Variants in FGF14 observed in about 807,000 individuals in gnomAD.
FGF14 encodes the protein fibroblast growth factor 14.
FGF14 carries 5 observed loss-of-function variants against 25.5 expected under a neutral mutation model. The observed-to-expected ratio is 0.20, with a 90% CI of 0.10 to 0.41. The LOEUF is 0.41. Ranked by LOEUF, FGF14 falls within the 10% of genes least tolerant of loss-of-function variation. The pLI is 1.00. For missense variants in FGF14, 222 were observed against 320.1 expected (o/e 0.69, Z 2.34); for synonymous variants, 138 against 118.3 (o/e 1.17, Z -1.08).
chr13:102,212,291 A>G (rs1305624006), intron 1 of FGF14, among the ~76,000 whole-genome samples: 1 of 152,186 alleles, frequency 6.6e-6, no homozygotes, highest in Admixed American at 6.5e-5. Context: ...CCAGGCTATA[A>G]GCAAATGGAA....
chr13:102,193,009 T>C (rs2049189833), intron 1 of FGF14, among the ~76,000 whole-genome samples: 1 of 152,192 alleles, frequency 6.6e-6, no homozygotes, highest in Non-Finnish European at 1.5e-5. Context: ...CCATCCCCTA[T>C]CCATTGCCCA....
chr13:102,056,962 T>A (rs1487870350), intron 1 of FGF14, among the ~76,000 whole-genome samples: 2 of 151,578 alleles, frequency 1.3e-5, no homozygotes, highest in African/African-American at 2.4e-5. Context: ...CTTTTAAAAT[T>A]TGCTTTGACA....
intron 1 of FGF14, among the ~76,000 whole-genome samples, chr13:102,260,185 T>C (rs1393788941): frequency 6.6e-6 from 1 of 152,182 alleles, no homozygotes; most frequent in African/African-American, 2.4e-5. Context: ...AACCTTTCCT[T>C]GGGTCACAGT....
intron 1 of FGF14, among the ~76,000 whole-genome samples, chr13:102,375,071 G>C (rs534111021): frequency 6.6e-6 from 1 of 152,076 alleles, no homozygotes; most frequent in East Asian, 1.9e-4. Flanking sequence ...AACACAACTA[G>C]TTAAAGGGAG....
At chr13:101,765,952 C>T (rs1423126722) in intron 3 of FGF14, among the ~76,000 whole-genome samples, 2 of 152,070 alleles carry the variant, frequency 1.3e-5, no homozygotes, top group Non-Finnish European at 2.9e-5. Context: ...TGGTCTCAAA[C>T]TCCTGACCTC....
chr13:101,737,778 A>G (rs993171904), intron 3 of FGF14, among the ~76,000 whole-genome samples: 1 of 152,160 alleles, frequency 6.6e-6, no homozygotes, highest in African/African-American at 2.4e-5. Context: ...TGCATATACA[A>G]GATTTTTCTA....
intron 1 of FGF14, among the ~76,000 whole-genome samples, chr13:102,365,878 T>G (rs953182121): frequency 1.3e-5 from 2 of 152,220 alleles, no homozygotes; most frequent in Admixed American, 1.3e-4. Context: ...ATAGTCACTA[T>G]TTCCCTGACT....
chr13:102,135,017 C>CCACACACACA (rs71125050), intron 1 of FGF14, among the ~76,000 whole-genome samples: 40 of 142,548 alleles, frequency 2.8e-4, no homozygotes, highest in Admixed American at 6.3e-4. Flanking sequence ...GACCCCGTGT[C>CCACACACACA]CACACACACA....
chr13:102,098,633 A>C lies in FGF14; in HGVS notation c.209-223337T>G, dbSNP rs1183091052. 2.0e-5 allele frequency among the ~76,000 whole-genome samples: 3 copies of C among 152,318 alleles called. No homozygotes were observed. The East Asian group carries it at 5.8e-4, about 29-fold the overall frequency. ...TGTTCAGAAAGCAGGAGAGGTTAAA[A>C]TGTTATTAGAAATGGCTGAGACTAG... On this transcript the variant is annotated intron_variant, in intron 1 of 4. Transcript: ENST00000376131.
intron 1 of FGF14, among the ~76,000 whole-genome samples, chr13:102,202,572 G>T (rs543235837): frequency 6.6e-6 from 1 of 152,292 alleles, no homozygotes; most frequent in East Asian, 1.9e-4. Context: ...TGCATTGGGG[G>T]AAAAAGTCCT....
At chr13:102,193,835 AT>A (rs2049226344) in intron 1 of FGF14, among the ~76,000 whole-genome samples, 2 of 152,350 alleles carry the variant, frequency 1.3e-5, no homozygotes, top group African/African-American at 4.8e-5. Flanking sequence ...TTTCAAAAAA[AT>A]CATGATACAT....
intron 1 of FGF14, among the ~76,000 whole-genome samples, chr13:102,133,811 T>G (rs1283846488): frequency 2.0e-5 from 3 of 152,208 alleles, no homozygotes; most frequent in African/African-American, 7.2e-5. Flanking sequence ...TTGCTGCATG[T>G]GGAGGTTAAT....
At chr13:102,083,408 C>G (rs897490596) in intron 1 of FGF14, among the ~76,000 whole-genome samples, 9 of 150,446 alleles carry the variant, frequency 6.0e-5, no homozygotes, top group Admixed American at 5.3e-4. Context: ...ACCATAGTAT[C>G]TCATTAAGTG....
intron 1 of FGF14, among the ~76,000 whole-genome samples, chr13:101,942,450 T>A (rs561878938): frequency 6.6e-6 from 1 of 152,210 alleles, no homozygotes; most frequent in Non-Finnish European, 1.5e-5. Context: ...AGTTAAAAAT[T>A]TAGTACTCAT....
chr13:101,969,466 A>C (rs932077826), intron 1 of FGF14, among the ~76,000 whole-genome samples: 3 of 152,182 alleles, frequency 2.0e-5, no homozygotes, highest in African/African-American at 7.2e-5. Context: ...GGTAAAGCCA[A>C]AATACTCCTG....
At chr13:101,933,999 T>C (rs1165262080) in intron 1 of FGF14, among the ~76,000 whole-genome samples, 1 of 152,210 alleles carries the variant, frequency 6.6e-6, no homozygotes, top group Non-Finnish European at 1.5e-5. Context: ...TTTTGGATTG[T>C]CCTTGTTGGC....
intron 1 of FGF14, among the ~76,000 whole-genome samples, chr13:102,273,830 T>C (rs940555440): frequency 6.6e-5 from 10 of 151,644 alleles, no homozygotes; most frequent in Middle Eastern, 6.8e-3. Flanking sequence ...TCTCAACTAC[T>C]TAAAAGGCTG....
At position 101,715,751 on chromosome 13, in the gene FGF14, A is replaced by T. The variant is rs1252372302; in HGVS notation, c.*7080T>A. 3 of 705,982 alleles carry T rather than the reference A, an allele frequency of 4.2e-6. No homozygotes were observed. The highest frequency in any genetic ancestry group is 7.5e-6 in the Non-Finnish European group (3 of 397,422). 43.7% of individuals were successfully genotyped at this position (705,982 alleles called of 1,614,324 possible). A position where few individuals can be genotyped will look rare whatever the true frequency, so the allele number is the denominator to read the frequency against. On this transcript the variant is annotated 3_prime_UTR_variant, in exon 5 of 5. Transcript: ENST00000376143. Reference sequence around the variant, plus strand: ...TGTATATTCACCACTAGGACAGGTTAAAAAGACCATTGTATGTTTTTCTAT... The same window carrying T: ...TGTATATTCACCACTAGGACAGGTTTAAAAGACCATTGTATGTTTTTCTAT...
At chr13:102,162,524 A>T (rs2047821142) in intron 1 of FGF14, among the ~76,000 whole-genome samples, 1 of 152,228 alleles carries the variant, frequency 6.6e-6, no homozygotes, top group African/African-American at 2.4e-5. Context: ...CATCATTAAA[A>T]GTATCACAAA....
Sources: gnomAD v4.1 joint callset for allele counts (sites outside exome capture counted in the v4.1 genomes callset) on GRCh38, gnomAD v4.1.1 for gene constraint, MANE v1.5 for transcripts, NCBI Gene and HGNC (gene_info 2026-07-23, HGNC 2026-07-21) for gene names.